DNAAF5: variants seen among roughly 807,000 people sequenced by gnomAD.
The protein encoded by DNAAF5 is HEAT repeat containing 2.
Under a neutral mutation model 75.8 loss-of-function variants are expected in DNAAF5, and 64 were observed. The ratio of observed to expected loss-of-function variants is 0.84; its 90% confidence interval spans 0.69 to 1.04. The LOEUF is 1.04. Ranked by LOEUF, DNAAF5 falls within the 50% of genes least tolerant of loss-of-function variation. The pLI is 0.00. For missense variants in DNAAF5, 1,269 were observed against 1,178.5 expected, an observed-to-expected ratio of 1.08 and a Z score of -1.12; for synonymous variants, 657 against 557.2, an observed-to-expected ratio of 1.18 and a Z score of -2.52.
At chr7:785,078 C>G (rs1779105282) in intron 12 of DNAAF5, among the ~76,000 whole-genome samples, 1 of 152,188 alleles carries the variant, frequency 6.6e-6, no homozygotes, top group African/African-American at 2.4e-5. Flanking sequence ...CTACTGTGCA[C>G]CCATCCGCTG....
chr7:742,642 C>A (rs1234338443), intron 4 of DNAAF5, among the ~76,000 whole-genome samples: 1 of 150,800 alleles, frequency 6.6e-6, no homozygotes, highest in Admixed American at 6.6e-5. Flanking sequence ...TCAAATCAAT[C>A]ATGCCCAGCT....
At chr7:746,499 C>T (rs1307121604) in intron 4 of DNAAF5, among the ~76,000 whole-genome samples, 8 of 138,552 alleles carry the variant, frequency 5.8e-5, no homozygotes, top group South Asian at 2.5e-4. Flanking sequence ...GGGTTTGTGA[C>T]GCCCTCCTTA....
chr7:770,400 GGCCTGT>G, intron 8 of DNAAF5, 65 bp from the exon 9 acceptor site: 5 of 1,485,652 alleles, frequency 3.4e-6, no homozygotes, highest in Non-Finnish European at 4.6e-6. Context: ...CCTGAGCCTG[GGCCTGT>G]GCTGGATGGG....
At chr7:765,277 A>T (rs527568839) in intron 8 of DNAAF5, among the ~76,000 whole-genome samples, 4 of 151,534 alleles carry the variant, frequency 2.6e-5, no homozygotes, top group African/African-American at 9.8e-5. Flanking sequence ...TTTCACAGAC[A>T]AGGAGGCAGA....
chr7:767,206 T>C (rs1583508250), intron 8 of DNAAF5, among the ~76,000 whole-genome samples: 2 of 131,962 alleles, frequency 1.5e-5, no homozygotes, highest in Non-Finnish European at 3.1e-5. Flanking sequence ...GCCACTGCCC[T>C]CCAGCCTAGG....
intron 12 of DNAAF5, among the ~76,000 whole-genome samples, chr7:781,002 G>A (rs1348532628): frequency 2.0e-5 from 3 of 152,040 alleles, no homozygotes; most frequent in African/African-American, 4.8e-5. Flanking sequence ...TGGGGTCCCC[G>A]TCACTTCAAA....
chr7:730,479 T>A (rs1200069876), intron 2 of DNAAF5, among the ~76,000 whole-genome samples: 1 of 152,234 alleles, frequency 6.6e-6, no homozygotes, highest in African/African-American at 2.4e-5. Flanking sequence ...TGATCTTTTG[T>A]GTCTGGCCTC....
At chr7:768,140 C>A (rs912338623) in intron 8 of DNAAF5, among the ~76,000 whole-genome samples, 5 of 99,696 alleles carry the variant, frequency 5.0e-5, no homozygotes, top group African/African-American at 1.8e-4. Context: ...GTCCATGCTG[C>A]GAGCGCTCGC....
At chr7:782,574 C>T (rs1366165944) in intron 12 of DNAAF5, among the ~76,000 whole-genome samples, 2 of 148,038 alleles carry the variant, frequency 1.4e-5, no homozygotes, top group Admixed American at 1.3e-4. Context: ...GTCAGAAACT[C>T]GGATCTTCCC....
At chr7:777,860 G>A (rs573103560) in intron 11 of DNAAF5, among the ~76,000 whole-genome samples, 3 of 152,244 alleles carry the variant, frequency 2.0e-5, no homozygotes, top group South Asian at 2.1e-4. Context: ...CGAAGGACAC[G>A]GGACGGGGAG....
Position 782,885 on chromosome 7 carries a change from A to G in DNAAF5, c.2432-2632A>G, listed in dbSNP as rs554017477. ...CTGGCGTGGCCGCGTCCCCTCACAC[A>G]ACGTCAGAAACTCGATCTTCCTGGC... On this transcript the variant is annotated intron_variant, in intron 12 of 12. Transcript: ENST00000297440. Among the ~76,000 whole-genome samples the G allele has an allele frequency of 2.1e-3, 310 of 150,152 alleles. 1 individual carries two copies. The highest frequency in any genetic ancestry group is 7.2e-3 in the African/African-American group (292 of 40,654).
intron 2 of DNAAF5, among the ~76,000 whole-genome samples, chr7:739,574 G>A (rs76815842): frequency 0.015 from 2,227 of 152,314 alleles, 35 homozygotes; most frequent in East Asian, 0.11. Flanking sequence ...GTCCCCTCGC[G>A]TGCTTCCCTG....
chr7:736,306 T>C (rs1781738153), intron 2 of DNAAF5, among the ~76,000 whole-genome samples: 1 of 152,376 alleles, frequency 6.6e-6, no homozygotes, highest in South Asian at 2.1e-4. Flanking sequence ...AAGTGGGGCA[T>C]TGAAGCCTCT....
At chr7:760,393 T>G (rs1254922567) in intron 6 of DNAAF5, among the ~76,000 whole-genome samples, 1 of 152,228 alleles carries the variant, frequency 6.6e-6, no homozygotes, top group Non-Finnish European at 1.5e-5. Flanking sequence ...ATATGTACAC[T>G]GTTGATAAAT....
Position 727,057 on chromosome 7 carries a change from G to A in DNAAF5, c.337G>A (p.Ala113Thr). The change falls in exon 1 of 13, where the codon GCC (alanine) becomes ACC (threonine). Residue 113 changes from alanine (A) to threonine (T), a missense_variant. Transcript: ENST00000297440. Reference sequence around the variant, plus strand: ...GCGCCGCGCCGCGCGGCCCCGCGATGCCCTGCCGCGCCTGCTGCCCGCGCT... The same window carrying A: ...GCGCCGCGCCGCGCGGCCCCGCGATACCCTGCCGCGCCTGCTGCCCGCGCT... The part of the protein sequence containing the change: ...GLRRAARPRD[A>T]LPRLLPALAA... The A allele has an allele frequency of 2.8e-6, 3 of 1,072,006 alleles. No individual in the cohort carries two copies. Among genetic ancestry groups the A allele is most frequent in the Non-Finnish European group, 2.3e-6 (2 of 887,998 alleles). The allele number at this position is 1,072,006 out of a possible 1,614,324, so 66.4% of individuals were successfully genotyped here. A position where few individuals can be genotyped will look rare whatever the true frequency, so the allele number is the denominator to read the frequency against.
At chr7:776,280 G>A (rs1408050460) in intron 11 of DNAAF5, among the ~76,000 whole-genome samples, 4 of 152,016 alleles carry the variant, frequency 2.6e-5, no homozygotes, top group Admixed American at 6.5e-5. Flanking sequence ...AGGTTGCAGT[G>A]AGCCAAGATC....
intron 2 of DNAAF5, among the ~76,000 whole-genome samples, chr7:739,274 C>G (rs1254042996): frequency 1.3e-5 from 2 of 152,254 alleles, no homozygotes; most frequent in African/African-American, 4.8e-5. Context: ...GCACATGGCA[C>G]TGGGTGAGCT....
At position 737,433 on chromosome 7, in the gene DNAAF5, C is replaced by T. The variant is rs1460577087; in HGVS notation, c.781-3386C>T. On this transcript the variant is annotated intron_variant, in intron 2 of 12. Coordinates refer to ENST00000297440, the MANE Select transcript of DNAAF5 (RefSeq NM_017802.4). ...TTCATAGGCTCATCTTTTAGTCTTT[C>T]TAGTCAAGATGTGAGTAGTTTACAC... 4.6e-5 allele frequency among the ~76,000 whole-genome samples: 7 copies of T among 152,186 alleles called. 1 individual carries two copies. Among genetic ancestry groups the T allele is most frequent in the Non-Finnish European group, 1.0e-4 (7 of 68,046 alleles).
At chr7:747,289 T>C (rs1782147321) in intron 4 of DNAAF5, among the ~76,000 whole-genome samples, 1 of 152,092 alleles carries the variant, frequency 6.6e-6, no homozygotes, top group Non-Finnish European at 1.5e-5. Context: ...TGGGGTGGAG[T>C]TTGCTGTTTT....
Sources: allele counts gnomAD v4.1 joint callset (sites outside exome capture counted in the v4.1 genomes callset), GRCh38; gene constraint gnomAD v4.1.1; transcripts MANE v1.5; gene names NCBI Gene and HGNC (gene_info 2026-07-23, HGNC 2026-07-21).